SLC36A1: variants seen among roughly 807,000 people sequenced by gnomAD.
The protein encoded by SLC36A1 is solute carrier family 36 member 1, also known as proton-coupled amino acid transporter 1.
A neutral mutation model predicts 47.5 loss-of-function variants in SLC36A1; 30 were observed. The ratio of observed to expected loss-of-function variants is 0.63; its 90% CI spans 0.47 to 0.86. The LOEUF (loss-of-function observed/expected upper bound fraction) is 0.86. Ranked by LOEUF, SLC36A1 falls within the 40% of genes least tolerant of loss-of-function variation. The probability of loss-of-function intolerance (pLI) is 0.00; values close to 1 mark genes in which losing one functional copy is unlikely to be tolerated. For synonymous variants in SLC36A1, 255 were observed against 249.7 expected (o/e 1.02, Z -0.20); for missense variants, 517 against 606.0 (o/e 0.85, Z 1.54).
chr5:151,479,287 C>T (rs1387110886), intron 9 of SLC36A1, 33 bp from the exon 10 acceptor site: 1 of 1,606,908 alleles, frequency 6.2e-7, no homozygotes, highest in South Asian at 1.1e-5. Context: ...GTGTGCTGAG[C>T]AGGCTTGGAA....
chr5:151,385,037 T>TGA, the SLC36A1 span, among the ~76,000 whole-genome samples: 121 of 142,190 alleles, frequency 8.5e-4, 1 homozygote, highest in Non-Finnish European at 1.0e-3. Flanking sequence ...TGTGTGTGTG[T>TGA]GAGAGAGAGA....
upstream of SLC36A1, among the ~76,000 whole-genome samples, chr5:151,436,088 A>G (rs1395632496): frequency 6.7e-6 from 1 of 149,506 alleles, no homozygotes; most frequent in Non-Finnish European, 1.5e-5. Flanking sequence ...ATATATGAAC[A>G]TCCCTCTAAG....
At chr5:151,526,955 T>C in the SLC36A1 span, among the ~76,000 whole-genome samples, 20 of 152,218 alleles carry the variant, frequency 1.3e-4, no homozygotes, top group African/African-American at 4.6e-4. Context: ...GTATGGCATG[T>C]TTTCATACCT....
At chr5:151,522,333 A>G in the SLC36A1 span, among the ~76,000 whole-genome samples, 2 of 152,204 alleles carry the variant, frequency 1.3e-5, no homozygotes, top group African/African-American at 4.8e-5. Context: ...CAGTAAAACA[A>G]TGCAGTTTCC....
intron 1 of SLC36A1, among the ~76,000 whole-genome samples, chr5:151,442,398 T>C (rs1055124072): frequency 6.6e-6 from 1 of 152,196 alleles, no homozygotes; most frequent in Non-Finnish European, 1.5e-5. Flanking sequence ...TTGACATAAC[T>C]ATACATATTT....
chr5:151,438,156 A>C (rs1184246974), intron 1 of SLC36A1, among the ~76,000 whole-genome samples: 1 of 152,120 alleles, frequency 6.6e-6, no homozygotes, highest in Non-Finnish European at 1.5e-5. Context: ...CGTCTTTGGG[A>C]GCTGTTACTC....
chr5:151,447,254 T>C (rs1030902176), upstream of SLC36A1, among the ~76,000 whole-genome samples: 8 of 152,180 alleles, frequency 5.3e-5, no homozygotes, highest in African/African-American at 1.4e-4. Context: ...TTCTGAAAAA[T>C]TGGAAGTTTT....
the SLC36A1 span, chr5:151,528,003 C>G: frequency 7.4e-6 from 12 of 1,613,868 alleles, no homozygotes; most frequent in Non-Finnish European, 8.5e-7. Context: ...CACCTGTTCC[C>G]GGTCCAGGGC....
At chr5:151,439,117 GGAGAGAGA>G (rs10593815) in intron 1 of SLC36A1, among the ~76,000 whole-genome samples, 1 of 150,134 alleles carries the variant, frequency 6.7e-6, no homozygotes, top group Admixed American at 6.6e-5. Context: ...CATGGCAGCA[GGAGAGAGA>G]GAGAGAGAGA....
the SLC36A1 span, among the ~76,000 whole-genome samples, chr5:151,399,251 G>T: frequency 6.6e-6 from 1 of 151,164 alleles, no homozygotes; most frequent in African/African-American, 2.4e-5. Flanking sequence ...CACACCTGGC[G>T]AATTTTTGTA....
At chr5:151,545,931 G>GCCTC in the SLC36A1 span, 1 of 1,614,068 alleles carries the variant, frequency 6.2e-7, no homozygotes, top group Non-Finnish European at 8.5e-7. Flanking sequence ...CCATATTGCT[G>GCCTC]CCTCGGATTT....
the SLC36A1 span, chr5:151,425,277 C>T: frequency 0.022 from 3,391 of 152,456 alleles, 125 homozygotes; most frequent in African/African-American, 0.077. Flanking sequence ...CGCCCCGCGC[C>T]GCTGTCAGGA....
chr5:151,389,670 G>A, the SLC36A1 span, among the ~76,000 whole-genome samples: 3 of 148,530 alleles, frequency 2.0e-5, no homozygotes, highest in African/African-American at 2.5e-5. Context: ...TTGGTTTTTT[G>A]TCCTTGCAAT....
chr5:151,544,905 G>A, the SLC36A1 span: 1 of 1,614,114 alleles, frequency 6.2e-7, no homozygotes. Flanking sequence ...TTGTGTAATA[G>A]GGCAGATGCT....
intron 10 of SLC36A1, among the ~76,000 whole-genome samples, chr5:151,487,407 G>A (rs1759712041): frequency 6.6e-6 from 1 of 152,080 alleles, no homozygotes; most frequent in African/African-American, 2.4e-5. Context: ...ACAGAGATAC[G>A]GTCGTCGTGT....
chr5:151,380,706 C>T, the SLC36A1 span: 1 of 549,650 alleles, frequency 1.8e-6, no homozygotes, highest in Non-Finnish European at 3.7e-6. Context: ...AGATCGGAGA[C>T]CTCTAGATGT....
chr5:151,359,079 C>T, the SLC36A1 span, among the ~76,000 whole-genome samples: 1 of 150,836 alleles, frequency 6.6e-6, no homozygotes, highest in African/African-American at 2.4e-5. Context: ...CTCAATGATT[C>T]GAATGACATC....
At chr5:151,446,588 C>CCT (rs914714353), upstream of SLC36A1, among the ~76,000 whole-genome samples, 2 of 151,390 alleles carry the variant, frequency 1.3e-5, no homozygotes, top group Admixed American at 1.3e-4. Flanking sequence ...TTCCAAGATT[C>CCT]CTCCTGTCAT....
At chr5:151,346,145 A>G in the SLC36A1 span, among the ~76,000 whole-genome samples, 3 of 152,188 alleles carry the variant, frequency 2.0e-5, no homozygotes, top group Non-Finnish European at 2.9e-5. Flanking sequence ...CAAACCTTGT[A>G]TCAGTTCAGG....
Sources: gnomAD v4.1 joint callset for allele counts (sites outside exome capture counted in the v4.1 genomes callset) on GRCh38, gnomAD v4.1.1 for gene constraint, MANE v1.5 for transcripts, NCBI Gene and HGNC (gene_info 2026-07-23, HGNC 2026-07-21) for gene names.